Variants in C6orf118 observed in about 807,000 individuals in gnomAD.
C6orf118 encodes uncharacterized protein C6orf118.
A neutral mutation model predicts 50.2 loss-of-function variants in C6orf118; 50 were observed. The ratio of observed to expected loss-of-function variants is 1.00; its 90% CI spans 0.79 to 1.26. The LOEUF (loss-of-function observed/expected upper bound fraction) is 1.26. Ranked by LOEUF, C6orf118 falls within the 50% of genes most tolerant of loss-of-function variation. The pLI, the probability that C6orf118 is intolerant of heterozygous loss-of-function variation, is 0.00. For synonymous variants in C6orf118, 239 were observed against 230.9 expected, an observed-to-expected ratio of 1.03 and a Z score of -0.32; for missense variants, 641 against 578.7, an observed-to-expected ratio of 1.11 and a Z score of -1.10.
chr6:165,302,215 T>G lies in C6orf118; in HGVS notation c.107A>C (p.Lys36Thr). Residue 36 changes from lysine (K) to threonine (T), a missense_variant, in exon 2 of 9, where the codon AAG (lysine) becomes ACG (threonine). Coordinates refer to ENST00000230301, the MANE Select transcript of C6orf118 (RefSeq NM_144980.4). ...AAGTTTCTTCAGATTACACAGGGTC[T>G]TCACTCCTGGCGTCTCGCAGTGCTT... Reference protein sequence around the residue: ...NLKHCETPGVKTLCNLKKLLN... With the variant: ...NLKHCETPGVTTLCNLKKLLN... The G allele has an allele frequency of 6.2e-7, 1 of 1,612,776 alleles. No homozygotes were observed. The highest frequency in any genetic ancestry group is 8.5e-7 in the Non-Finnish European group (1 of 1,179,076).
At chr6:165,302,379 G>A in intron 1 of C6orf118, 83 bp from the exon 2 acceptor site, 3 of 1,502,522 alleles carry the variant, frequency 2.0e-6, no homozygotes, top group African/African-American at 2.8e-5. Flanking sequence ...GAGAGGCGTA[G>A]CCCCTGACCA....
chr6:165,281,839 A>G (rs887690828), intron 7 of C6orf118, 146 bp from the exon 8 acceptor site: 8 of 436,604 alleles, frequency 1.8e-5, no homozygotes, highest in Non-Finnish European at 3.2e-5. Flanking sequence ...GAAGAAACAA[A>G]GCATAAAATG....
At chr6:165,305,093 C>A (rs1365024595) in intron 1 of C6orf118, among the ~76,000 whole-genome samples, 1 of 69,178 alleles carries the variant, frequency 1.4e-5, no homozygotes, top group Admixed American at 1.6e-4. Flanking sequence ...CTACAGTAAC[C>A]AAAACAGCAT....
At chr6:165,306,670 G>C (rs1273983460) in intron 1 of C6orf118, among the ~76,000 whole-genome samples, 1 of 151,750 alleles carries the variant, frequency 6.6e-6, no homozygotes, top group Non-Finnish European at 1.5e-5. Flanking sequence ...ATGGAAGATG[G>C]AAGAAGGAGG....
At chr6:165,307,315 T>G (rs1261651517) in intron 1 of C6orf118, among the ~76,000 whole-genome samples, 3 of 148,052 alleles carry the variant, frequency 2.0e-5, no homozygotes, top group Non-Finnish European at 4.5e-5. Flanking sequence ...TCTCAGCACT[T>G]TGGGAGGCCG....
At chr6:165,293,533 TCTGGGTTA>T in intron 5 of C6orf118, 62 bp from the exon 6 acceptor site, 1 of 1,400,830 alleles carries the variant, frequency 7.1e-7, no homozygotes, top group East Asian at 2.3e-5. Flanking sequence ...TTGTCTTTTG[TCTGGGTTA>T]CACCACAAGT....
chr6:165,292,436 C>T lies in C6orf118; in HGVS notation c.1120+977G>A, dbSNP rs897571839. Reference sequence around the variant, plus strand: ...AAGATTACTAGAGCTCTGGAAAGTTCGTCACTGCATCTTATTTTTATTAAT... The same window carrying T: ...AAGATTACTAGAGCTCTGGAAAGTTTGTCACTGCATCTTATTTTTATTAAT... On this transcript the variant is annotated intron_variant, in intron 6 of 8. Transcript: ENST00000230301. 2.6e-5 allele frequency among the ~76,000 whole-genome samples: 4 copies of T among 152,156 alleles called. 1 individual carries two copies. Among genetic ancestry groups the T allele is most frequent in the Admixed American group, 1.3e-4 (2 of 15,282 alleles).
At chr6:165,306,925 C>CTGTG (rs945381904) in intron 1 of C6orf118, among the ~76,000 whole-genome samples, 1 of 139,786 alleles carries the variant, frequency 7.2e-6, no homozygotes, top group African/African-American at 2.7e-5. Context: ...TTGTGTGTGT[C>CTGTG]TGTGTGTGTG....
rs896890159 is a variant in C6orf118 at position 165,281,207 on chromosome 6, C to T, written c.1356+433G>A. On this transcript the variant is annotated intron_variant, in intron 8 of 8. Coordinates refer to ENST00000230301, the MANE Select transcript of C6orf118 (RefSeq NM_144980.4). ...GAGAAAATAAAGCCATGCCTTCCCA[C>T]GTTCCTGATTCCTGCCCATGTGAAT... Among the ~76,000 whole-genome samples the T allele has an allele frequency of 5.3e-5, 8 of 152,218 alleles. No homozygotes were observed. In the East Asian group the frequency reaches 5.8e-4, roughly 11 times the overall value.
Position 165,309,544 on chromosome 6 carries a change from C to A in C6orf118, c.25+18G>T. The A allele has an allele frequency of 1.2e-6, 2 of 1,614,112 alleles. No homozygotes were observed. The highest frequency in any genetic ancestry group is 3.3e-4 in the Middle Eastern group (2 of 6,062). On this transcript the variant is annotated intron_variant, in intron 1 of 8. Transcript: ENST00000230301. ...AGCAAATCTCACAAGCCAGCAAGAG[C>A]CGCTCCAGGCCACTTACATTCAGGC...
In C6orf118 at chr6:165,285,994, T is replaced by C. The variant is rs142663129; in HGVS notation, c.1302+3892A>G. On this transcript the variant is annotated intron_variant, in intron 7 of 8. Coordinates refer to ENST00000230301, the MANE Select transcript of C6orf118 (RefSeq NM_144980.4). ...AATCAGTGAATCTAGGAGATGGTTT[T>C]TTTGAAAAAAAAATTAATAAAATAA... Among the ~76,000 whole-genome samples the C allele has an allele frequency of 4.9e-3, 744 of 151,626 alleles. 10 individuals are homozygous for C. Among genetic ancestry groups the C allele is most frequent in the African/African-American group, 0.017 (718 of 41,354 alleles).
In C6orf118 at chr6:165,301,825, C is replaced by G. The variant is rs36007498; in HGVS notation, c.497G>C (p.Arg166Pro). The change falls in exon 2 of 9, where the codon CGG becomes CCG. Residue 166 changes from arginine (R) to proline (P), a missense_variant. Transcript: ENST00000230301. Reference protein sequence around the residue: ...KEEKKGGPPGRGPPGWRRREE... With the variant: ...KEEKKGGPPGPGPPGWRRREE... ...CCTCCTGCGCCATCCAGGAGGGCCC[C>G]GTCCAGGAGGGCCTCCTTTCTTTTC... is the stretch of plus-strand genomic sequence containing the variant. The G allele has an allele frequency of 6.2e-7, 1 of 1,613,866 alleles. No individual in the cohort carries two copies. The highest frequency in any genetic ancestry group is 1.3e-5 in the African/African-American group (1 of 74,994).
intron 1 of C6orf118, among the ~76,000 whole-genome samples, chr6:165,308,507 TGGGCCTGGAAGG>T (rs937908832): frequency 3.9e-5 from 6 of 152,094 alleles, no homozygotes; most frequent in Non-Finnish European, 8.8e-5. Context: ...ACAAGTCCAC[TGGGCCTGGAAGG>T]GGTTCTTCCC....
In C6orf118 at chr6:165,300,983, CG is replaced by C. The variant is rs150945973; in HGVS notation, c.754-498del. On this transcript the variant is annotated intron_variant, in intron 2 of 8. Coordinates refer to ENST00000230301, the MANE Select transcript of C6orf118 (RefSeq NM_144980.4). Reference sequence around the variant, plus strand: ...CCCATCAGCTCTCCCTCTGCCCTCACGGTTCTTCCACCGTCAGCCAGGCAAG... The same window carrying C: ...CCCATCAGCTCTCCCTCTGCCCTCACGTTCTTCCACCGTCAGCCAGGCAAG... Among the ~76,000 whole-genome samples the C allele has an allele frequency of 4.9e-3, 743 of 152,240 alleles. 5 individuals carry two copies. The highest frequency in any genetic ancestry group is 0.017 in the African/African-American group (712 of 41,530).
chr6:165,293,216 CAAA>C (rs1192011847), intron 6 of C6orf118, 194 bp downstream of exon 6: 12 of 565,236 alleles, frequency 2.1e-5, no homozygotes, highest in East Asian at 8.3e-5. Context: ...AGATGAAGAA[CAAA>C]CAGGCAGTCA....
intron 7 of C6orf118, among the ~76,000 whole-genome samples, chr6:165,283,480 G>A (rs564072113): frequency 9.8e-4 from 149 of 152,334 alleles, no homozygotes; most frequent in Non-Finnish European, 1.7e-3. Flanking sequence ...GCTCCACCAA[G>A]GGGCAGTCAG....
intron 6 of C6orf118, 30 bp from the exon 7 acceptor site, chr6:165,290,097 C>A: frequency 7.2e-7 from 1 of 1,394,192 alleles, no homozygotes; most frequent in Non-Finnish European, 9.9e-7. Flanking sequence ...CAAAGTATTA[C>A]CATGTTTAAT....
At chr6:165,295,244 G>T (rs1239189255) in intron 5 of C6orf118, among the ~76,000 whole-genome samples, 1 of 151,896 alleles carries the variant, frequency 6.6e-6, no homozygotes, top group Non-Finnish European at 1.5e-5. Context: ...ATATAATTTT[G>T]ACTTTTTCAA....
Position 165,301,738 on chromosome 6 carries a change from G to C in C6orf118, c.584C>G (p.Thr195Ser). ...GCTGACATAGTGGTGCCGGTCCCTGGTGCCTCTGGACCCGGCCTCCTGGTA... is the reference window on the plus strand; with the variant it reads ...GCTGACATAGTGGTGCCGGTCCCTGCTGCCTCTGGACCCGGCCTCCTGGTA... ...LCYQEAGSRG[T>S]RDRHHYVSSY... The change falls in exon 2 of 9, where the codon ACC becomes AGC. Residue 195 changes from threonine to serine, a missense_variant. Thr to Ser is a moderately conservative substitution (Grantham distance 58). Transcript: ENST00000230301. 1.2e-6 allele frequency: 2 copies of C among 1,614,136 alleles called. No individual in the cohort carries two copies. Among genetic ancestry groups the C allele is most frequent in the Non-Finnish European group, 1.7e-6 (2 of 1,180,030 alleles).
Sources: allele counts gnomAD v4.1 joint callset (sites outside exome capture counted in the v4.1 genomes callset), GRCh38; gene constraint gnomAD v4.1.1; transcripts MANE v1.5; gene names NCBI Gene and HGNC (gene_info 2026-07-23, HGNC 2026-07-21).